The following MAD1L1 variants were observed in gnomAD, a reference collection of about 807,000 sequenced individuals.
MAD1L1 encodes mitotic spindle assembly checkpoint protein MAD1.
In MAD1L1, 95 loss-of-function variants were observed where a neutral mutation model predicts 96.9. That is an observed-to-expected ratio of 0.98 (90% CI 0.83 to 1.16). The LOEUF is 1.16. MAD1L1 is among the 50% of genes most tolerant of loss of function. The pLI, the probability that MAD1L1 is intolerant of heterozygous loss-of-function variation, is 0.00. For synonymous variants in MAD1L1, 473 were observed against 396.6 expected, an observed-to-expected ratio of 1.19 and a Z score of -2.29; for missense variants, 1,007 against 954.4, an observed-to-expected ratio of 1.06 and a Z score of -0.73.
intron 11 of MAD1L1, among the ~76,000 whole-genome samples, chr7:2,081,526 G>A (rs991565929): frequency 2.0e-5 from 3 of 152,148 alleles, no homozygotes; most frequent in South Asian, 2.1e-4. Context: ...TCCCCGCATC[G>A]GGCCGGAACC....
At chr7:2,037,204 CTTCT>C (rs1242751472) in intron 12 of MAD1L1, among the ~76,000 whole-genome samples, 3 of 144,364 alleles carry the variant, frequency 2.1e-5, no homozygotes, top group Admixed American at 6.8e-5. Flanking sequence ...TTAATAGACT[CTTCT>C]TTTTTTTTTT....
chr7:2,159,625 T>C (rs1032097996), intron 10 of MAD1L1, among the ~76,000 whole-genome samples: 1 of 152,200 alleles, frequency 6.6e-6, no homozygotes, highest in African/African-American at 2.4e-5. Flanking sequence ...TTTCAATAAA[T>C]ACTAAGAGAA....
At chr7:2,080,064 G>A (rs1283181669) in intron 11 of MAD1L1, 2 of 215,308 alleles carry the variant, frequency 9.3e-6, no homozygotes, top group South Asian at 6.6e-5. Flanking sequence ...CAGGACAGAA[G>A]CCCCAAGGGG....
intron 18 of MAD1L1, chr7:1,845,440 G>T (rs750336172): frequency 1.4e-5 from 1 of 70,474 alleles, no homozygotes; most frequent in Non-Finnish European, 3.0e-5. Context: ...TCACGGGGAA[G>T]AGCGCTGTTT....
At chr7:2,039,884 G>C (rs1184856437) in intron 12 of MAD1L1, among the ~76,000 whole-genome samples, 1 of 151,942 alleles carries the variant, frequency 6.6e-6, no homozygotes, top group Non-Finnish European at 1.5e-5. Context: ...AACTTCAGTT[G>C]ACCCAAGCAG....
Position 2,002,087 on chromosome 7 carries a change from C to T in MAD1L1, c.1394G>A (p.Gly465Asp), listed in dbSNP as rs2128492710. ...CACCATGTCTGCTCTTTGTTTCTGGCCTCCCAGCTCCTCCAGGGCCTGCGA... is the reference window on the plus strand; with the variant it reads ...CACCATGTCTGCTCTTTGTTTCTGGTCTCCCAGCTCCTCCAGGGCCTGCGA... Reference protein sequence around the residue: ...QLSQALEELGGQKQRADMLEM... With the variant: ...QLSQALEELGDQKQRADMLEM... Residue 465 changes from glycine to aspartate, a missense_variant, in exon 14 of 19, where the codon GGC becomes GAC. Physicochemically the swap from Gly to Asp is moderately conservative, Grantham distance 94. Coordinates refer to ENST00000265854, the MANE Select transcript of MAD1L1 (RefSeq NM_001013836.2). 1 of 1,613,294 alleles carries T rather than the reference C, an allele frequency of 6.2e-7. No individual in the cohort carries two copies. Among genetic ancestry groups the T allele is most frequent in the East Asian group, 2.2e-5 (1 of 44,886 alleles).
chr7:1,840,541 C>A (rs1461714607), intron 18 of MAD1L1, among the ~76,000 whole-genome samples: 1 of 152,074 alleles, frequency 6.6e-6, no homozygotes, highest in East Asian at 1.9e-4. Context: ...ACCAGCCTGG[C>A]CAACATGGCA....
chr7:2,097,048 G>T (rs73034436), intron 11 of MAD1L1, among the ~76,000 whole-genome samples: 13 of 152,138 alleles, frequency 8.5e-5, no homozygotes, highest in African/African-American at 3.1e-4. Flanking sequence ...AACGCACCAC[G>T]GGTATCCCCC....
chr7:2,163,426 T>G (rs1383341500), intron 10 of MAD1L1, among the ~76,000 whole-genome samples: 1 of 152,102 alleles, frequency 6.6e-6, no homozygotes, highest in South Asian at 2.1e-4. Context: ...CAGGCTGGAG[T>G]GCAGTGGCAC....
At chr7:1,869,661 T>C (rs1264413202) in intron 18 of MAD1L1, among the ~76,000 whole-genome samples, 1 of 152,150 alleles carries the variant, frequency 6.6e-6, no homozygotes, top group African/African-American at 2.4e-5. Context: ...GTAATTTAAT[T>C]AGCCTGCGTC....
chr7:1,920,983 G>A (rs944048094), intron 17 of MAD1L1, among the ~76,000 whole-genome samples: 1 of 151,526 alleles, frequency 6.6e-6, no homozygotes, highest in East Asian at 2.2e-4. Flanking sequence ...GAGCCCTGGA[G>A]ACGACGAGAC....
chr7:1,996,780 C>G (rs572437335), intron 14 of MAD1L1, among the ~76,000 whole-genome samples: 1 of 152,228 alleles, frequency 6.6e-6, no homozygotes, highest in East Asian at 1.9e-4. Flanking sequence ...TTAATCAGAG[C>G]TGAGAGCGGC....
At chr7:1,824,805 ACT>A (rs1782305320) in intron 18 of MAD1L1, among the ~76,000 whole-genome samples, 1 of 151,576 alleles carries the variant, frequency 6.6e-6, no homozygotes, top group African/African-American at 2.4e-5. Context: ...ACTTCAAAAG[ACT>A]CTCCGGGCGT....
At chr7:2,118,727 G>A (rs894139477) in intron 11 of MAD1L1, among the ~76,000 whole-genome samples, 1 of 152,188 alleles carries the variant, frequency 6.6e-6, no homozygotes, top group African/African-American at 2.4e-5. Context: ...CCAAGGAGCA[G>A]GCTCGGCTCA....
chr7:1,859,487 G>C (rs563355495), intron 18 of MAD1L1, among the ~76,000 whole-genome samples: 67 of 152,348 alleles, frequency 4.4e-4, no homozygotes, highest in Middle Eastern at 6.8e-3. Flanking sequence ...AGGTGGCTGC[G>C]AGGCGGAGCG....
At chr7:2,105,807 TCTC>T (rs997277849) in intron 11 of MAD1L1, among the ~76,000 whole-genome samples, 3 of 151,696 alleles carry the variant, frequency 2.0e-5, no homozygotes, top group Admixed American at 1.3e-4. Flanking sequence ...GCTCCAGCTC[TCTC>T]CTCCTCAACG....
chr7:2,123,506 G>C (rs937747331), intron 11 of MAD1L1, among the ~76,000 whole-genome samples: 1 of 152,100 alleles, frequency 6.6e-6, no homozygotes, highest in Non-Finnish European at 1.5e-5. Flanking sequence ...TTGCGCTTGA[G>C]CTGGTGACGG....
intron 15 of MAD1L1, among the ~76,000 whole-genome samples, chr7:1,977,069 G>A (rs547591241): frequency 6.6e-5 from 10 of 152,362 alleles, no homozygotes; most frequent in South Asian, 6.2e-4. Context: ...ATCCCACGCC[G>A]GGCTGGGGGC....
In MAD1L1 at chr7:1,923,131, T is replaced by C. The variant is rs576780223; in HGVS notation, c.1807+13556A>G. On this transcript the variant is annotated intron_variant, in intron 17 of 18. Coordinates refer to ENST00000265854, the MANE Select transcript of MAD1L1 (RefSeq NM_001013836.2). ...TTTGGTAGAATTCACCAGAAAACCA[T>C]CTGGGCCTGGAGATATCCTTTTTTG... Among the ~76,000 whole-genome samples, 4 of 152,310 alleles carry C rather than the reference T, an allele frequency of 2.6e-5. No individual in the cohort carries two copies. The South Asian group carries it at 8.3e-4, about 32-fold the overall frequency.
Sources: gnomAD v4.1 joint callset for allele counts (sites outside exome capture counted in the v4.1 genomes callset) on GRCh38, gnomAD v4.1.1 for gene constraint, MANE v1.5 for transcripts, NCBI Gene and HGNC (gene_info 2026-07-23, HGNC 2026-07-21) for gene names.